PTPRC: variants seen among roughly 807,000 people sequenced by gnomAD.
PTPRC encodes the protein protein tyrosine phosphatase receptor type C, also known as receptor-type tyrosine-protein phosphatase C.
In PTPRC, 44 loss-of-function variants were observed where a neutral mutation model predicts 155.9. The observed-to-expected ratio is 0.28, with a 90% CI of 0.22 to 0.36. PTPRC has a LOEUF of 0.36. PTPRC is among the 10% of genes least tolerant of loss of function. The pLI is 1.00. For missense variants in PTPRC, 1,401 were observed against 1,564.6 expected (o/e 0.90, Z 1.76); for synonymous variants, 525 against 533.1 (o/e 0.98, Z 0.21).
chr1:198,684,359 A>C (rs1665503728), intron 2 of PTPRC, among the ~76,000 whole-genome samples: 1 of 151,782 alleles, frequency 6.6e-6, no homozygotes, highest in Non-Finnish European at 1.5e-5. Flanking sequence ...CATTATTGTA[A>C]ATATTGGACA....
In PTPRC at chr1:198,691,497, G is replaced by A. The variant is rs558015273; in HGVS notation, c.74-850G>A. Reference sequence around the variant, plus strand: ...TTCTTTTGGGGTATACTCTTCCTACGTAGGACATCATCTCTGTCTGTTTTG... The same window carrying A: ...TTCTTTTGGGGTATACTCTTCCTACATAGGACATCATCTCTGTCTGTTTTG... On this transcript the variant is annotated intron_variant, in intron 2 of 32. Coordinates refer to ENST00000442510, the MANE Select transcript of PTPRC (RefSeq NM_002838.5). Among the ~76,000 whole-genome samples, 6 of 151,958 alleles carry A rather than the reference G, an allele frequency of 3.9e-5. No homozygotes were observed. In the South Asian group the frequency reaches 6.2e-4, roughly 16 times the overall value.
At chr1:198,742,065 A>T (rs773321252) in intron 24 of PTPRC, 39 bp downstream of exon 24, 27 of 1,608,054 alleles carry the variant, frequency 1.7e-5, no homozygotes, top group Non-Finnish European at 2.3e-5. Flanking sequence ...AACAACAAAA[A>T]AACTCCAACA....
At chr1:198,695,053 A>G (rs1666127760) in intron 3 of PTPRC, 8 of 931,176 alleles carry the variant, frequency 8.6e-6, no homozygotes, top group Non-Finnish European at 1.0e-5. Flanking sequence ...CTGTAATCAC[A>G]GAATAGTTCT....
At chr1:198,732,232 GT>G (rs1571878364) in intron 18 of PTPRC, 67 bp from the exon 19 acceptor site, 2 of 1,225,948 alleles carry the variant, frequency 1.6e-6, no homozygotes, top group Non-Finnish European at 2.4e-6. Flanking sequence ...ACTCAAAACG[GT>G]CATTGGTAAG....
chr1:198,686,994 TTTG>T (rs71800427), intron 2 of PTPRC, among the ~76,000 whole-genome samples: 55,058 of 149,794 alleles, frequency 0.37, 10,510 homozygotes, highest in African/African-American at 0.47. Context: ...CAACCAATCT[TTTG>T]TTGTTGTTGT....
At chr1:198,655,815 A>C (rs2102231414) in intron 2 of PTPRC, among the ~76,000 whole-genome samples, 1 of 152,208 alleles carries the variant, frequency 6.6e-6, no homozygotes, top group African/African-American at 2.4e-5. Flanking sequence ...GTCTCCAGGC[A>C]TTGCCAAATG....
intron 15 of PTPRC, among the ~76,000 whole-genome samples, chr1:198,726,882 TG>T (rs1304342092): frequency 6.8e-6 from 1 of 147,894 alleles, no homozygotes; most frequent in Non-Finnish European, 1.5e-5. Context: ...TTTTTTTTCT[TG>T]ACAGAGTCTT....
At chr1:198,733,095 G>A (rs1654471576) in intron 20 of PTPRC, among the ~76,000 whole-genome samples, 1 of 151,566 alleles carries the variant, frequency 6.6e-6, no homozygotes. Context: ...TCCGTACGTG[G>A]TTAATTTATT....
At position 198,642,907 on chromosome 1, in the gene PTPRC, CCTTTCTTTCTTT is replaced by C. The variant is rs550706909; in HGVS notation, c.73+3619_73+3630del. On this transcript the variant is annotated intron_variant, in intron 2 of 32. Transcript: ENST00000442510. ...ATCTTTTTTCTTTTCTTTCTTTCTT[CCTTTCTTTCTTT>C]CTTTCTTTCTTTCTTTCTTTCTTTC... 3.0e-3 allele frequency among the ~76,000 whole-genome samples: 277 copies of C among 93,766 alleles called. 2 individuals carry two copies. The highest frequency in any genetic ancestry group is 9.7e-3 in the African/African-American group (237 of 24,322). 61.5% of individuals were successfully genotyped at this position (93,766 alleles called of 152,430 possible).
chr1:198,720,706 T>C (rs892178970), intron 14 of PTPRC, among the ~76,000 whole-genome samples: 9 of 152,216 alleles, frequency 5.9e-5, no homozygotes, highest in Non-Finnish European at 1.3e-4. Flanking sequence ...TGCAGAGAAA[T>C]TCTTTAAGAC....
chr1:198,732,638 AT>A lies in PTPRC; in HGVS notation c.2142+84del, dbSNP rs1258917361. 115 of 1,119,846 alleles carry A rather than the reference AT, an allele frequency of 1.0e-4. 1 individual carries two copies. In the Middle Eastern group the frequency reaches 2.9e-3, roughly 29 times the overall value. The allele number at this position is 1,119,846 out of a possible 1,614,324, so 69.4% of individuals were successfully genotyped here. On this transcript the variant is annotated intron_variant, in intron 20 of 32. Coordinates refer to ENST00000442510, the MANE Select transcript of PTPRC (RefSeq NM_002838.5). Reference sequence around the variant, plus strand: ...GTCTTGGTAAAATTTTAGAAATATTATTAAAAATATTTTGAAGTGAGCCCAT... The same window carrying A: ...GTCTTGGTAAAATTTTAGAAATATTATAAAAATATTTTGAAGTGAGCCCAT...
intron 2 of PTPRC, among the ~76,000 whole-genome samples, chr1:198,668,757 G>A (rs1430051513): frequency 1.3e-5 from 2 of 152,154 alleles, no homozygotes; most frequent in Non-Finnish European, 2.9e-5. Flanking sequence ...TCCCAAAAGG[G>A]CATGGCTGAA....
chr1:198,755,832 G>C, intron 32 of PTPRC, 74 bp from the exon 33 acceptor site: 2 of 1,439,852 alleles, frequency 1.4e-6, no homozygotes, highest in Non-Finnish European at 2.0e-6. Context: ...ATTAGTTCTT[G>C]CTAATCTTCA....
At chr1:198,698,563 T>C (rs1666318194) in intron 4 of PTPRC, among the ~76,000 whole-genome samples, 2 of 152,096 alleles carry the variant, frequency 1.3e-5, no homozygotes, top group East Asian at 1.9e-4. Context: ...CTATTCAAAA[T>C]TGTTCATTTT....
intron 2 of PTPRC, among the ~76,000 whole-genome samples, chr1:198,671,087 C>G (rs901539266): frequency 2.6e-5 from 4 of 151,666 alleles, no homozygotes; most frequent in Non-Finnish European, 5.9e-5. Flanking sequence ...AATCATTTGT[C>G]AATTAAAAAT....
chr1:198,680,823 G>A (rs890970274), intron 2 of PTPRC, among the ~76,000 whole-genome samples: 4 of 152,162 alleles, frequency 2.6e-5, no homozygotes, highest in African/African-American at 9.7e-5. Context: ...ATGTGAAATA[G>A]ATGCTCTGAA....
At chr1:198,646,058 A>G (rs1274031154) in intron 2 of PTPRC, among the ~76,000 whole-genome samples, 1 of 151,868 alleles carries the variant, frequency 6.6e-6, no homozygotes, top group Non-Finnish European at 1.5e-5. Flanking sequence ...CTCAACTTTT[A>G]TGAAAACAAA....
intron 12 of PTPRC, among the ~76,000 whole-genome samples, chr1:198,714,252 C>T (rs1653454999): frequency 6.6e-6 from 1 of 152,002 alleles, no homozygotes; most frequent in African/African-American, 2.4e-5. Flanking sequence ...TCCTCAATGT[C>T]TACACTCTCT....
At chr1:198,755,103 A>C (rs1012833440) in intron 32 of PTPRC, among the ~76,000 whole-genome samples, 1 of 151,492 alleles carries the variant, frequency 6.6e-6, no homozygotes, top group Non-Finnish European at 1.5e-5. Flanking sequence ...GTATGTTATT[A>C]GCCAAATAAA....
Sources: allele counts gnomAD v4.1 joint callset (sites outside exome capture counted in the v4.1 genomes callset), GRCh38; gene constraint gnomAD v4.1.1; transcripts MANE v1.5; gene names NCBI Gene and HGNC (gene_info 2026-07-23, HGNC 2026-07-21).